GHR: variants seen among roughly 807,000 people sequenced by gnomAD.
GHR encodes the protein GH receptor.
In GHR, 35 loss-of-function variants were observed where a neutral mutation model predicts 67.1. The ratio of observed to expected loss-of-function variants is 0.52; its 90% CI spans 0.40 to 0.69. GHR has a LOEUF of 0.69. Among genes scored for constraint, GHR ranks in the 30% least tolerant of loss-of-function variants. GHR has a pLI of 0.00. For missense variants in GHR, 792 were observed against 764.6 expected (o/e 1.04, Z -0.42); for synonymous variants, 272 against 269.1 (o/e 1.01, Z -0.10).
chr5:42,427,441 G>T (rs1479880439), intron 1 of GHR, among the ~76,000 whole-genome samples: 1 of 152,124 alleles, frequency 6.6e-6, no homozygotes, highest in Non-Finnish European at 1.5e-5. Context: ...AGAACAACAT[G>T]GGAAAAACCC....
chr5:42,480,642 T>G (rs977733661), intron 1 of GHR, among the ~76,000 whole-genome samples: 2 of 152,262 alleles, frequency 1.3e-5, no homozygotes, highest in African/African-American at 4.8e-5. Flanking sequence ...CATTATGTAA[T>G]GGCATTCTTT....
rs1188485113 is a variant in GHR, at chr5:42,720,212, T to C, written c.*788T>C. The C allele has an allele frequency of 6.6e-6, 1 of 152,268 alleles. No homozygotes were observed. The highest frequency in any genetic ancestry group is 1.5e-5 in the Non-Finnish European group (1 of 68,064). The allele number at this position is 152,268 out of a possible 1,614,324, so 9.4% of individuals were successfully genotyped here. A position where few individuals can be genotyped will look rare whatever the true frequency, so the allele number is the denominator to read the frequency against. On this transcript the variant is annotated 3_prime_UTR_variant, in exon 10 of 10. Transcript: ENST00000230882. ...ATTATTGGAATATAATTGTTTTATC[T>C]GAATTTTTAAACAAGTATTTGTTAA...
rs537687649 is a variant in GHR, at chr5:42,426,040, T to C, written c.-12+2085T>C. Among the ~76,000 whole-genome samples the C allele has an allele frequency of 9.5e-4, 145 of 152,314 alleles. 4 individuals carry two copies. The South Asian group carries it at 0.029, about 31-fold the overall frequency. On this transcript the variant is annotated intron_variant, in intron 1 of 9. Coordinates refer to ENST00000230882, the MANE Select transcript of GHR (RefSeq NM_000163.5). ...GCCCATGTTTTTTATTATTAGTTTTTAAACAGCAGACTCCACATCATAAAC... is the reference window on the plus strand; with the variant it reads ...GCCCATGTTTTTTATTATTAGTTTTCAAACAGCAGACTCCACATCATAAAC...
At chr5:42,465,717 C>G (rs1744699071) in intron 1 of GHR, 1 of 917,058 alleles carries the variant, frequency 1.1e-6, no homozygotes, top group Non-Finnish European at 1.8e-6. Context: ...AAAGATCTAT[C>G]ACTTCCACTA....
chr5:42,478,425 T>G (rs956023948), intron 1 of GHR, among the ~76,000 whole-genome samples: 3 of 152,150 alleles, frequency 2.0e-5, no homozygotes, highest in African/African-American at 7.2e-5. Flanking sequence ...GTGAAGAAAG[T>G]CATTGGTAGC....
At chr5:42,695,970 G>A (rs1336410151) in intron 5 of GHR, among the ~76,000 whole-genome samples, 1 of 152,168 alleles carries the variant, frequency 6.6e-6, no homozygotes, top group African/African-American at 2.4e-5. Context: ...AAATCTAATA[G>A]GCTGACTTTA....
At chr5:42,448,384 G>A (rs754245157) in intron 1 of GHR, among the ~76,000 whole-genome samples, 7 of 151,900 alleles carry the variant, frequency 4.6e-5, no homozygotes, top group Non-Finnish European at 8.8e-5. Flanking sequence ...TTGGGCATTC[G>A]TATATCTTCT....
At chr5:42,684,344 C>T (rs888955233) in intron 3 of GHR, among the ~76,000 whole-genome samples, 4 of 152,180 alleles carry the variant, frequency 2.6e-5, no homozygotes, top group African/African-American at 4.8e-5. Flanking sequence ...TAATCTAGTG[C>T]ATTTCCTTTT....
At chr5:42,454,404 G>C (rs1044591336) in intron 1 of GHR, among the ~76,000 whole-genome samples, 1 of 152,196 alleles carries the variant, frequency 6.6e-6, no homozygotes, top group Non-Finnish European at 1.5e-5. Flanking sequence ...AGTATGGCCT[G>C]AGTTGGTTGG....
At chr5:42,705,356 A>G (rs965210149) in intron 6 of GHR, among the ~76,000 whole-genome samples, 2 of 152,040 alleles carry the variant, frequency 1.3e-5, no homozygotes, top group Non-Finnish European at 2.9e-5. Flanking sequence ...AAGGTTTGCT[A>G]TGTTGTTTCC....
At chr5:42,504,499 G>A (rs575463599) in intron 1 of GHR, among the ~76,000 whole-genome samples, 1 of 152,128 alleles carries the variant, frequency 6.6e-6, no homozygotes, top group Non-Finnish European at 1.5e-5. Flanking sequence ...CGTGGCTCAC[G>A]CCTGTAATCC....
chr5:42,562,060 C>T (rs1332628277), intron 1 of GHR, among the ~76,000 whole-genome samples: 1 of 152,146 alleles, frequency 6.6e-6, no homozygotes, highest in Non-Finnish European at 1.5e-5. Flanking sequence ...TATATCATTA[C>T]ATTGTAATGT....
At chr5:42,710,436 A>G (rs923664303) in intron 6 of GHR, among the ~76,000 whole-genome samples, 1 of 152,158 alleles carries the variant, frequency 6.6e-6, no homozygotes, top group Non-Finnish European at 1.5e-5. Flanking sequence ...GGAAACTACC[A>G]TCACTAGTTG....
At chr5:42,550,133 G>C (rs1401645841) in intron 1 of GHR, 2 of 925,496 alleles carry the variant, frequency 2.2e-6, no homozygotes, top group Non-Finnish European at 2.6e-6. Context: ...GTGTCTTCTT[G>C]CTACTTGAAG....
chr5:42,602,145 A>G (rs1190778616), intron 2 of GHR, among the ~76,000 whole-genome samples: 1 of 152,176 alleles, frequency 6.6e-6, no homozygotes. Context: ...CATCTCCTAC[A>G]TAGTTATCTT....
At chr5:42,502,125 C>T (rs1373081016) in intron 1 of GHR, among the ~76,000 whole-genome samples, 2 of 152,118 alleles carry the variant, frequency 1.3e-5, no homozygotes, top group African/African-American at 2.4e-5. Context: ...CTCAGCTCTT[C>T]ATGTCCACTT....
At position 42,570,458 on chromosome 5, in the gene GHR, T is replaced by A. The variant is rs186295631; in HGVS notation, c.70+4514T>A. Among the ~76,000 whole-genome samples, 26 of 152,350 alleles carry A rather than the reference T, an allele frequency of 1.7e-4. No homozygotes were observed. The East Asian group carries it at 4.8e-3, about 28-fold the overall frequency. ...AATGTAGATAATGACACATAAAAAG[T>A]CTTTCAAGAAGCTTTTATTAAGTCA... On this transcript the variant is annotated intron_variant, in intron 2 of 9. Coordinates refer to ENST00000230882, the MANE Select transcript of GHR (RefSeq NM_000163.5).
At position 42,605,001 on chromosome 5, in the gene GHR, G is replaced by A. The variant is rs144018498; in HGVS notation, c.71-24037G>A. ...ACCTAGAGCTTTCTTTAAATTATAT[G>A]AAATAGCCATCTCTCCCAGTCTTGT... On this transcript the variant is annotated intron_variant, in intron 2 of 9. Transcript: ENST00000230882. Among the ~76,000 whole-genome samples the A allele has an allele frequency of 4.3e-3, 653 of 150,378 alleles. 4 individuals are homozygous for A. The highest frequency in any genetic ancestry group is 0.015 in the African/African-American group (631 of 40,944).
At chr5:42,455,337 G>C (rs1744217341) in intron 1 of GHR, among the ~76,000 whole-genome samples, 1 of 152,080 alleles carries the variant, frequency 6.6e-6, no homozygotes, top group Admixed American at 6.6e-5. Flanking sequence ...TTGGAAAAAA[G>C]GTTCACAGTC....
Sources: allele counts gnomAD v4.1 joint callset (sites outside exome capture counted in the v4.1 genomes callset), GRCh38; gene constraint gnomAD v4.1.1; transcripts MANE v1.5; gene names NCBI Gene and HGNC (gene_info 2026-07-23, HGNC 2026-07-21).